The following FAM114A1 variants were observed in gnomAD, a reference collection of about 807,000 sequenced individuals.
FAM114A1 encodes the protein family with sequence similarity 114 member A1.
Under a neutral mutation model 64.3 loss-of-function variants are expected in FAM114A1, and 62 were observed. The ratio of observed to expected loss-of-function variants is 0.96; its 90% CI spans 0.79 to 1.19. The LOEUF (loss-of-function observed/expected upper bound fraction) is 1.19, where lower values mean the gene tolerates loss of function less well. FAM114A1 is among the 50% of genes most tolerant of loss of function. The pLI is 0.00. For missense variants in FAM114A1, 645 were observed against 676.3 expected (o/e 0.95, Z 0.51); for synonymous variants, 254 against 251.1 (o/e 1.01, Z -0.11).
intron 9 of FAM114A1, among the ~76,000 whole-genome samples, chr4:38,926,471 T>C (rs1184892506): frequency 2.6e-5 from 4 of 151,250 alleles, no homozygotes; most frequent in Admixed American, 6.6e-5. Flanking sequence ...TTTTTTTTTT[T>C]CCAGATAGAG....
intron 8 of FAM114A1, among the ~76,000 whole-genome samples, chr4:38,921,675 G>A (rs1719610020): frequency 6.6e-6 from 1 of 152,172 alleles, no homozygotes. Context: ...AGCCCTCCCT[G>A]TGTGTACCCT....
intron 13 of FAM114A1, among the ~76,000 whole-genome samples, chr4:38,936,548 A>ATTTTTTTTTTTTT: frequency 9.1e-6 from 1 of 110,292 alleles, no homozygotes; most frequent in Non-Finnish European, 1.9e-5. Context: ...AAGAGTTTTC[A>ATTTTTTTTTTTTT]TTTTTTTTTT....
At chr4:38,915,744 G>GCTGT (rs1421213058) in intron 8 of FAM114A1, among the ~76,000 whole-genome samples, 34 of 139,116 alleles carry the variant, frequency 2.4e-4, no homozygotes, top group Non-Finnish European at 1.3e-4. Context: ...CATCTATAGT[G>GCTGT]GTGTGTGTGT....
chr4:38,922,656 A>G, intron 8 of FAM114A1, 114 bp from the exon 9 acceptor site: 1 of 1,362,278 alleles, frequency 7.3e-7, no homozygotes, highest in Non-Finnish European at 9.9e-7. Context: ...CAACCCAGCG[A>G]TACCTCCCAC....
At chr4:38,918,150 G>A (rs902656844) in intron 8 of FAM114A1, among the ~76,000 whole-genome samples, 4 of 152,132 alleles carry the variant, frequency 2.6e-5, no homozygotes, top group Non-Finnish European at 5.9e-5. Flanking sequence ...CTTGAACCCA[G>A]GATGTGGAGG....
In FAM114A1 at chr4:38,929,349, T is replaced by C; in HGVS notation, c.1161+16T>C. ...ACTCAATAAGGTCAGCACTGTCTGA[T>C]TTATAGTTTCTGGTTAAAAAAAAAC... On this transcript the variant is annotated intron_variant, in intron 10 of 14. Transcript: ENST00000358869. 1 of 1,589,678 alleles carries C rather than the reference T, an allele frequency of 6.3e-7. No homozygotes were observed. Among genetic ancestry groups the C allele is most frequent in the Non-Finnish European group, 8.6e-7 (1 of 1,160,780 alleles).
chr4:38,893,841 A>C (rs530000987), intron 4 of FAM114A1, among the ~76,000 whole-genome samples: 1 of 152,272 alleles, frequency 6.6e-6, no homozygotes, highest in East Asian at 1.9e-4. Flanking sequence ...ACATGTAACC[A>C]GTAGATGGCG....
Position 38,914,854 on chromosome 4 carries a change from A to G in FAM114A1, c.793-67A>G. The stretch of plus-strand genomic sequence containing the variant: ...AAAATCAGTCCTCCCAACCTCCCCC[A>G]TGTCTTACACAGGAAACGGTGCTTT... On this transcript the variant is annotated intron_variant, in intron 7 of 14. Transcript: ENST00000358869. 1.9e-6 allele frequency: 3 copies of G among 1,548,486 alleles called. No homozygotes were observed. The South Asian group carries it at 3.6e-5, about 19-fold the overall frequency.
chr4:38,912,647 G>T (rs1041558266), intron 7 of FAM114A1, among the ~76,000 whole-genome samples: 7 of 152,204 alleles, frequency 4.6e-5, no homozygotes, highest in African/African-American at 1.7e-4. Flanking sequence ...CTCCCAAAGT[G>T]CTGGGATTAC....
intron 13 of FAM114A1, among the ~76,000 whole-genome samples, chr4:38,937,476 A>G (rs1721205781): frequency 6.6e-6 from 1 of 152,210 alleles, no homozygotes; most frequent in African/African-American, 2.4e-5. Flanking sequence ...TAAGGACACC[A>G]GGCCTATTTG....
At chr4:38,883,971 T>C (rs1352017060) in intron 3 of FAM114A1, among the ~76,000 whole-genome samples, 2 of 152,206 alleles carry the variant, frequency 1.3e-5, no homozygotes, top group Non-Finnish European at 2.9e-5. Flanking sequence ...ATTCCTGGGC[T>C]CTACCCTAAG....
chr4:38,871,860 T>G lies in FAM114A1; in HGVS notation c.-9+3314T>G, dbSNP rs540493191. Among the ~76,000 whole-genome samples, 3 of 152,328 alleles carry G rather than the reference T, an allele frequency of 2.0e-5. No individual in the cohort carries two copies. The South Asian group carries it at 6.2e-4, about 32-fold the overall frequency. On this transcript the variant is annotated intron_variant, in intron 2 of 14. Transcript: ENST00000358869. ...TCAAGGAAGTCCTAGCTCACTGTCC[T>G]TTTAGGCCTGTGTTCTAGAGGCAGG...
At chr4:38,912,160 C>T (rs1323833666) in intron 7 of FAM114A1, among the ~76,000 whole-genome samples, 1 of 152,032 alleles carries the variant, frequency 6.6e-6, no homozygotes, top group African/African-American at 2.4e-5. Flanking sequence ...CGCACCCAGC[C>T]AAGCGCAGGG....
At position 38,944,521 on chromosome 4, in the gene FAM114A1, CAGTACCAGTCCGTGGCACTGGTTA is replaced by C. The variant is rs1721819768; in HGVS notation, c.*965_*988del. On this transcript the variant is annotated 3_prime_UTR_variant, in exon 15 of 15. Coordinates refer to ENST00000358869, the MANE Select transcript of FAM114A1 (RefSeq NM_138389.4). ...GGGTCCCCACCCCCAGGCCACAGAC[CAGTACCAGTCCGTGGCACTGGTTA>C]GGAACCAGGCCACACAGCAGGGGGT... is the stretch of plus-strand genomic sequence containing the variant. The C allele has an allele frequency of 6.6e-6, 1 of 152,260 alleles. No individual in the cohort carries two copies. Among genetic ancestry groups the C allele is most frequent in the Non-Finnish European group, 1.5e-5 (1 of 68,122 alleles). 9.4% of individuals were successfully genotyped at this position (152,260 alleles called of 1,614,324 possible).
intron 3 of FAM114A1, among the ~76,000 whole-genome samples, chr4:38,885,816 G>C (rs1715739429): frequency 6.6e-6 from 1 of 152,166 alleles, no homozygotes; most frequent in Non-Finnish European, 1.5e-5. Context: ...TTATTGGAAT[G>C]CTGACAGCAC....
chr4:38,870,752 G>A (rs1230881047), intron 2 of FAM114A1, among the ~76,000 whole-genome samples: 1 of 152,142 alleles, frequency 6.6e-6, no homozygotes, highest in Non-Finnish European at 1.5e-5. Context: ...AGACGGAGAT[G>A]GAAACCGTCC....
chr4:38,878,292 C>G lies in FAM114A1; in HGVS notation c.214C>G (p.Pro72Ala), dbSNP rs1184794284. The change falls in exon 3 of 15, where the codon CCT (proline) becomes GCT (alanine). Residue 72 changes from proline to alanine, a missense_variant. Coordinates refer to ENST00000358869, the MANE Select transcript of FAM114A1 (RefSeq NM_138389.4). ...GAAAIGPPVQ[P>A]QDANALEPPL... ...TGCCGCCATTGGGCCCCCTGTGCAG[C>G]CTCAGGATGCCAACGCCCTGGAGCC... 1.1e-5 allele frequency: 17 copies of G among 1,614,252 alleles called. No homozygotes were observed. Among genetic ancestry groups the G allele is most frequent in the Non-Finnish European group, 1.4e-5 (17 of 1,180,036 alleles).
At chr4:38,920,837 G>C (rs550347975) in intron 8 of FAM114A1, among the ~76,000 whole-genome samples, 2 of 152,362 alleles carry the variant, frequency 1.3e-5, no homozygotes, top group East Asian at 3.9e-4. Flanking sequence ...GGGCAGAACG[G>C]AGTGGCGTGC....
At chr4:38,941,109 C>A (rs1721552455) in intron 14 of FAM114A1, 88 bp downstream of exon 14, 1 of 1,185,520 alleles carries the variant, frequency 8.4e-7, no homozygotes, top group Non-Finnish European at 1.2e-6. Flanking sequence ...TCCCCCACAG[C>A]AAATGTTATT....
Sources: gnomAD v4.1 joint callset for allele counts (sites outside exome capture counted in the v4.1 genomes callset) on GRCh38, gnomAD v4.1.1 for gene constraint, MANE v1.5 for transcripts, NCBI Gene and HGNC (gene_info 2026-07-23, HGNC 2026-07-21) for gene names.